Variants in SSUH2 observed in about 807,000 individuals in gnomAD.
The protein encoded by SSUH2 is ssu-2 homolog.
Under a neutral mutation model 55.3 loss-of-function variants are expected in SSUH2, and 47 were observed. The ratio of observed to expected loss-of-function variants is 0.85; its 90% CI spans 0.67 to 1.08. SSUH2 has a LOEUF of 1.08. Ranked by LOEUF, SSUH2 falls within the 50% of genes least tolerant of loss-of-function variation. The pLI is 0.00. For missense variants in SSUH2, 535 were observed against 490.7 expected, an observed-to-expected ratio of 1.09 and a Z score of -0.85; for synonymous variants, 212 against 191.5, an observed-to-expected ratio of 1.11 and a Z score of -0.89.
At chr3:8,667,127 A>T (rs538898044) in intron 5 of SSUH2, among the ~76,000 whole-genome samples, 2 of 152,350 alleles carry the variant, frequency 1.3e-5, no homozygotes, top group African/African-American at 4.8e-5. Context: ...TGGCTACTCC[A>T]TTGGCAGAGC....
intron 6 of SSUH2, among the ~76,000 whole-genome samples, chr3:8,660,117 T>C (rs1300355034): frequency 1.3e-5 from 2 of 152,216 alleles, no homozygotes; most frequent in Non-Finnish European, 2.9e-5. Flanking sequence ...CCACAGGGAC[T>C]ACACAATTCC....
At chr3:8,628,603 T>G (rs1380892952) in intron 7 of SSUH2, among the ~76,000 whole-genome samples, 1 of 152,202 alleles carries the variant, frequency 6.6e-6, no homozygotes, top group Admixed American at 6.5e-5. Context: ...TGACGTGTTC[T>G]TATTAGAAGC....
intron 5 of SSUH2, among the ~76,000 whole-genome samples, chr3:8,665,276 A>G (rs1340295618): frequency 1.3e-5 from 2 of 152,178 alleles, no homozygotes; most frequent in Non-Finnish European, 2.9e-5. Context: ...AACAGGGTAG[A>G]AGGGGAAGAG....
At chr3:8,658,631 C>CA (rs1703177863) in intron 7 of SSUH2, among the ~76,000 whole-genome samples, 1 of 152,176 alleles carries the variant, frequency 6.6e-6, no homozygotes, top group South Asian at 2.1e-4. Flanking sequence ...AGGCAAAGGC[C>CA]AGACTATTTC....
At chr3:8,635,461 A>T in intron 2 of SSUH2, 80 bp from the exon 3 acceptor site, 2 of 1,052,372 alleles carry the variant, frequency 1.9e-6, no homozygotes, top group East Asian at 5.2e-5. Flanking sequence ...GGAAAGACTG[A>T]TTGAATGTGA....
intron 1 of SSUH2, among the ~76,000 whole-genome samples, chr3:8,680,283 C>A (rs1169195449): frequency 1.3e-5 from 2 of 152,146 alleles, no homozygotes; most frequent in Non-Finnish European, 2.9e-5. Flanking sequence ...AACATAAAGG[C>A]CCCCCATGCT....
chr3:8,680,080 T>C (rs1233521285), intron 1 of SSUH2, among the ~76,000 whole-genome samples: 1 of 152,094 alleles, frequency 6.6e-6, no homozygotes, highest in Non-Finnish European at 1.5e-5. Context: ...CCTTTTCCGT[T>C]GTATGCATCA....
In SSUH2 at chr3:8,676,881, C is replaced by CA. The variant is rs772854653; in HGVS notation, c.-753+324_-753+325insT. Among the ~76,000 whole-genome samples, 222 of 146,530 alleles carry CA rather than the reference C, an allele frequency of 1.5e-3. 5 individuals are homozygous for CA. Among genetic ancestry groups the CA allele is most frequent in the South Asian group, 2.7e-3 (12 of 4,514 alleles). On this transcript the variant is annotated intron_variant, in intron 3 of 18. Coordinates refer to the SSUH2 transcript ENST00000317371. ...CCATCGCAGGGGAGGAGGCATCCCC[C>CA]GTGAGGCGGGGACAGAGAGCCAGCC...
At chr3:8,679,101 C>CG (rs1559569801) in intron 2 of SSUH2, among the ~76,000 whole-genome samples, 1 of 108,960 alleles carries the variant, frequency 9.2e-6, no homozygotes. Context: ...CACCTCTTTC[C>CG]CCCCTGGCTC....
Position 8,623,569 on chromosome 3 carries a change from G to C in SSUH2, c.961C>G (p.Arg321Gly). The C allele has an allele frequency of 6.4e-7, 1 of 1,550,398 alleles. No individual in the cohort carries two copies. Among genetic ancestry groups the C allele is most frequent in the Middle Eastern group, 1.7e-4 (1 of 5,956 alleles). ...CTCACCTGCTGCAGGACGCGGGCAC[G>C]GGAGGCCAAGGCAGCGCTGTGCTCT... ...IAEHSAALAS[R>G]ARVLQQRQTI... is the part of the protein sequence containing the mutation. The change falls in exon 11 of 12, where the codon CGT becomes GGT. Residue 321 changes from arginine (R) to glycine (G), a missense_variant. Coordinates refer to ENST00000544814, the MANE Select transcript of SSUH2 (RefSeq NM_001256748.3).
Position 8,658,633 on chromosome 3 carries a change from GAC to G in SSUH2, c.-307+290_-307+291del, listed in dbSNP as rs541770698. The stretch of plus-strand genomic sequence containing the variant: ...CTGCCCACTGGAAAGGCAAAGGCCA[GAC>G]TATTTCTGGCTGCAAAAACAAGCCC... On this transcript the variant is annotated intron_variant, in intron 7 of 18. Transcript: ENST00000317371. 5.9e-3 allele frequency among the ~76,000 whole-genome samples: 904 copies of G among 152,342 alleles called. 3 individuals carry two copies. The highest frequency in any genetic ancestry group is 8.9e-3 in the Non-Finnish European group (607 of 68,020).
rs570083925 is a variant in SSUH2, at chr3:8,635,438, T to C, written c.128-57A>G. ...CCCAGGCCAAAGGAACAAATATTTG[T>C]GTGGTGGAAGAAGGAAAGACTGATT... On this transcript the variant is annotated intron_variant, in intron 2 of 11. Transcript: ENST00000544814. 3.2e-6 allele frequency: 4 copies of C among 1,258,768 alleles called. No homozygotes were observed. The African/African-American group carries it at 4.5e-5, about 14-fold the overall frequency. 78.0% of individuals were successfully genotyped at this position (1,258,768 alleles called of 1,614,324 possible).
At position 8,631,023 on chromosome 3, in the gene SSUH2, C is replaced by T. The variant is rs555889508; in HGVS notation, c.401-94G>A. 45 of 1,257,174 alleles carry T rather than the reference C, an allele frequency of 3.6e-5. No individual in the cohort carries two copies. The Admixed American group carries it at 1.1e-3, about 32-fold the overall frequency. The allele number at this position is 1,257,174 out of a possible 1,614,324, so 77.9% of individuals were successfully genotyped here. A position where few individuals can be genotyped will look rare whatever the true frequency, so the allele number is the denominator to read the frequency against. On this transcript the variant is annotated intron_variant, in intron 5 of 11. Coordinates refer to ENST00000544814, the MANE Select transcript of SSUH2 (RefSeq NM_001256748.3). ...AACAGCATGAAGCCTTCAGTTGGTG[C>T]CAGGCATGAGTCTAGATCCTGGGGC...
In SSUH2 at chr3:8,633,626, GC is replaced by G. The variant is rs373288664; in HGVS notation, c.339+39del. ...CTGTCCCAAAGCCCCCAGCTCCCCAGCCCCCCGGCCAAGGCCCCCCACCGGC... is the reference window on the plus strand; with the variant it reads ...CTGTCCCAAAGCCCCCAGCTCCCCAGCCCCCGGCCAAGGCCCCCCACCGGC... On this transcript the variant is annotated intron_variant, in intron 4 of 11. Transcript: ENST00000544814. 5.5e-4 allele frequency: 810 copies of G among 1,470,996 alleles called. 1 individual carries two copies. The Middle Eastern group carries it at 8.9e-3, about 16-fold the overall frequency. 91.1% of individuals were successfully genotyped at this position (1,470,996 alleles called of 1,614,324 possible). A position where few individuals can be genotyped will look rare whatever the true frequency, so the allele number is the denominator to read the frequency against.
chr3:8,625,751 G>A, intron 9 of SSUH2, 104 bp from the exon 10 acceptor site: 1 of 742,372 alleles, frequency 1.3e-6, no homozygotes, highest in East Asian at 2.6e-5. Flanking sequence ...AATTGCTACT[G>A]GAGGGACCTT....
chr3:8,633,956 A>G lies in SSUH2; in HGVS notation c.210-161T>C, dbSNP rs767174899. ...GAGGGCATCTCCTGCAAAGGGGACC[A>G]TGTGAACGGGTGCCCAGCGTGAGAA... On this transcript the variant is annotated intron_variant, in intron 3 of 11. Coordinates refer to ENST00000544814, the MANE Select transcript of SSUH2 (RefSeq NM_001256748.3). 4.3e-6 allele frequency: 7 copies of G among 1,613,268 alleles called. No individual in the cohort carries two copies. The Admixed American group carries it at 5.0e-5, about 12-fold the overall frequency.
At chr3:8,645,391 G>A (rs754925191), upstream of SSUH2, among the ~76,000 whole-genome samples, 11 of 152,140 alleles carry the variant, frequency 7.2e-5, no homozygotes, top group African/African-American at 1.7e-4. Flanking sequence ...CACTACTGTC[G>A]CCACACCAGC....
intron 3 of SSUH2, chr3:8,634,007 C>A: frequency 1.3e-6 from 2 of 1,526,304 alleles, no homozygotes; most frequent in Admixed American, 2.0e-5. Context: ...TAGAGAACAG[C>A]CAAAAACACT....
intron 2 of SSUH2, among the ~76,000 whole-genome samples, chr3:8,679,132 G>GT: frequency 9.3e-6 from 1 of 107,184 alleles, no homozygotes; most frequent in African/African-American, 3.2e-5. Context: ...AATTGCGGGG[G>GT]GGAGGCACCC....
Sources: gnomAD v4.1 joint callset for allele counts (sites outside exome capture counted in the v4.1 genomes callset) on GRCh38, gnomAD v4.1.1 for gene constraint, MANE v1.5 for transcripts, NCBI Gene and HGNC (gene_info 2026-07-23, HGNC 2026-07-21) for gene names.